Variants in PRIMA1 observed in about 807,000 individuals in gnomAD.
The protein encoded by PRIMA1 is proline rich membrane anchor 1.
A neutral mutation model predicts 17.5 loss-of-function variants in PRIMA1; 7 were observed. The observed-to-expected ratio is 0.40, with a 90% CI of 0.23 to 0.75. PRIMA1 has a LOEUF of 0.75. Ranked by LOEUF, PRIMA1 falls within the 30% of genes least tolerant of loss-of-function variation. The pLI is 0.37. For missense variants in PRIMA1, 200 were observed against 201.8 expected (o/e 0.99, Z 0.05); for synonymous variants, 97 against 77.9 (o/e 1.25, Z -1.29).
intron 3 of PRIMA1, among the ~76,000 whole-genome samples, chr14:93,758,594 C>CAAA (rs34329291): frequency 1.9e-3 from 151 of 81,296 alleles, no homozygotes; most frequent in African/African-American, 7.3e-3. Context: ...GCAAGACTCT[C>CAAA]AAAAAAAAAA....
At chr14:93,769,314 G>A (rs1488074424) in intron 3 of PRIMA1, among the ~76,000 whole-genome samples, 1 of 152,206 alleles carries the variant, frequency 6.6e-6, no homozygotes, top group Admixed American at 6.5e-5. Context: ...TTTGGAGGAC[G>A]GGAAAACTGA....
intron 2 of PRIMA1, among the ~76,000 whole-genome samples, chr14:93,787,015 C>T (rs779943079): frequency 2.2e-5 from 3 of 136,394 alleles, no homozygotes; most frequent in African/African-American, 8.7e-5. Context: ...AGTGACGATG[C>T]GCATTCTGGG....
chr14:93,745,753 T>C (rs953388718), intron 3 of PRIMA1, among the ~76,000 whole-genome samples: 1 of 152,256 alleles, frequency 6.6e-6, no homozygotes, highest in African/African-American at 2.4e-5. Flanking sequence ...CTTCCTGGGA[T>C]ATCACATCAG....
chr14:93,721,617 G>C (rs2076039356), intron 4 of PRIMA1, 71 bp from the exon 5 acceptor site: 1 of 913,290 alleles, frequency 1.1e-6, no homozygotes, highest in South Asian at 1.4e-5. Flanking sequence ...TATCACTGAT[G>C]GTGGGGTGTA....
chr14:93,786,973 C>T (rs1009112622), intron 2 of PRIMA1, among the ~76,000 whole-genome samples: 1 of 152,204 alleles, frequency 6.6e-6, no homozygotes, highest in Admixed American at 6.5e-5. Flanking sequence ...GAGCTGACAT[C>T]GAAGTCCACC....
intron 3 of PRIMA1, among the ~76,000 whole-genome samples, chr14:93,753,717 G>A (rs746442922): frequency 6.6e-6 from 1 of 152,212 alleles, no homozygotes; most frequent in South Asian, 2.1e-4. Flanking sequence ...TGCCTAAGTG[G>A]AGAGATGATG....
chr14:93,737,265 A>G lies in PRIMA1; in HGVS notation c.335T>C (p.Ile112Thr). The change falls in exon 4 of 5, where the codon ATC (isoleucine) becomes ACC (threonine). Residue 112 changes from isoleucine to threonine, a missense_variant. Physicochemically the swap from Ile to Thr is moderately conservative, Grantham distance 89. Transcript: ENST00000393140. ...CCTTTTTATGGCTTTGTAGCAAATG[A>G]TGACAAGCACAGTCAGAAACACCAG... ...ASLVFLTVLVIICYKAIKRKP... is the reference protein window; with the variant it reads ...ASLVFLTVLVTICYKAIKRKP... 3.1e-6 allele frequency: 5 copies of G among 1,614,166 alleles called. No individual in the cohort carries two copies. The highest frequency in any genetic ancestry group is 4.2e-6 in the Non-Finnish European group (5 of 1,180,040).
At position 93,718,384 on chromosome 14, in the gene PRIMA1, T is replaced by A. The variant is rs1357798803; in HGVS notation, c.*3060A>T. 6.6e-6 allele frequency: 1 copy of A among 152,436 alleles called. No homozygotes were observed. The highest frequency in any genetic ancestry group is 1.5e-5 in the Non-Finnish European group (1 of 68,042). 9.4% of individuals were successfully genotyped at this position (152,436 alleles called of 1,614,324 possible). A position where few individuals can be genotyped will look rare whatever the true frequency, so the allele number is the denominator to read the frequency against. ...ATATGGACACCCCCAGTGCTGCCGG[T>A]CTCGCTTCCGGTACAAAAGTCTCAG... On this transcript the variant is annotated 3_prime_UTR_variant, in exon 5 of 5. Transcript: ENST00000393140.
chr14:93,756,790 C>T (rs966075254), intron 3 of PRIMA1, among the ~76,000 whole-genome samples: 1 of 152,140 alleles, frequency 6.6e-6, no homozygotes, highest in Non-Finnish European at 1.5e-5. Flanking sequence ...CCTCCATTCA[C>T]CCAGCTGCTC....
At chr14:93,747,072 C>T (rs1381738402) in intron 3 of PRIMA1, among the ~76,000 whole-genome samples, 1 of 152,110 alleles carries the variant, frequency 6.6e-6, no homozygotes, top group Non-Finnish European at 1.5e-5. Flanking sequence ...AGCACCTAGC[C>T]CTGAGACTGG....
At chr14:93,774,362 G>A (rs1885149108) in intron 3 of PRIMA1, among the ~76,000 whole-genome samples, 1 of 152,168 alleles carries the variant, frequency 6.6e-6, no homozygotes, top group South Asian at 2.1e-4. Flanking sequence ...TCTGGATGAA[G>A]AGCAATGCCT....
intron 3 of PRIMA1, among the ~76,000 whole-genome samples, chr14:93,762,077 G>C (rs1382261370): frequency 6.6e-6 from 1 of 152,178 alleles, no homozygotes; most frequent in East Asian, 1.9e-4. Flanking sequence ...CTGGGCCAGG[G>C]CCTGGGCGGT....
chr14:93,743,429 G>C (rs2076196132), intron 3 of PRIMA1, among the ~76,000 whole-genome samples: 1 of 152,232 alleles, frequency 6.6e-6, no homozygotes, highest in Non-Finnish European at 1.5e-5. Flanking sequence ...AGTCAGGTGG[G>C]AGCTGTCACT....
intron 3 of PRIMA1, among the ~76,000 whole-genome samples, chr14:93,758,594 C>CAAAAAAAAAAAAAAAAAA (rs34329291): frequency 3.7e-5 from 3 of 81,318 alleles, no homozygotes; most frequent in Admixed American, 1.4e-4. Context: ...GCAAGACTCT[C>CAAAAAAAAAAAAAAAAAA]AAAAAAAAAA....
At chr14:93,759,027 A>G (rs2076309768) in intron 3 of PRIMA1, among the ~76,000 whole-genome samples, 1 of 152,220 alleles carries the variant, frequency 6.6e-6, no homozygotes, top group Non-Finnish European at 1.5e-5. Context: ...GCCCAAAACT[A>G]TCATACAGCA....
At chr14:93,746,645 C>G (rs2076220369) in intron 3 of PRIMA1, among the ~76,000 whole-genome samples, 1 of 151,964 alleles carries the variant, frequency 6.6e-6, no homozygotes, top group Non-Finnish European at 1.5e-5. Flanking sequence ...CAGCACAGTC[C>G]CTCTGTGTTT....
chr14:93,769,190 A>G (rs534245803), intron 3 of PRIMA1, among the ~76,000 whole-genome samples: 1 of 152,212 alleles, frequency 6.6e-6, no homozygotes, highest in Non-Finnish European at 1.5e-5. Context: ...GCCAGTTTGG[A>G]TAAGAACTTT....
rs559845192 is a variant in PRIMA1 at position 93,740,727 on chromosome 14, G to A, written c.230-3357C>T. ...AGCACTTGGAAATATCGGAGTGGGTGCTGTCTTTGGTTGTTGCAATGTGTG... is the reference window on the plus strand; with the variant it reads ...AGCACTTGGAAATATCGGAGTGGGTACTGTCTTTGGTTGTTGCAATGTGTG... On this transcript the variant is annotated intron_variant, in intron 3 of 4. Transcript: ENST00000393140. Among the ~76,000 whole-genome samples the A allele has an allele frequency of 1.2e-3, 184 of 152,314 alleles. 1 individual carries two copies. The highest frequency in any genetic ancestry group is 1.8e-3 in the Non-Finnish European group (125 of 68,036).
Position 93,779,215 on chromosome 14 carries a change from G to A in PRIMA1, c.190C>T (p.Pro64Ser). The A allele has an allele frequency of 7.6e-7, 1 of 1,317,772 alleles. No homozygotes were observed. 81.6% of individuals were successfully genotyped at this position (1,317,772 alleles called of 1,614,324 possible). A position where few individuals can be genotyped will look rare whatever the true frequency, so the allele number is the denominator to read the frequency against. Residue 64 changes from proline (P) to serine (S), a missense_variant, in exon 3 of 5, where the codon CCC becomes TCC. Transcript: ENST00000393140. The stretch of plus-strand genomic sequence containing the variant: ...AGTCTGGGAGGTGGCGGGGGTGGGG[G>A]CGGCGGGGGCAGCGGGGGAGGGGGC... Reference protein sequence around the residue: ...CRPPPPLPPPPPPPPPPRLLS... With the variant: ...CRPPPPLPPPSPPPPPPRLLS...
Sources: gnomAD v4.1 joint callset for allele counts (sites outside exome capture counted in the v4.1 genomes callset) on GRCh38, gnomAD v4.1.1 for gene constraint, MANE v1.5 for transcripts, NCBI Gene and HGNC (gene_info 2026-07-23, HGNC 2026-07-21) for gene names.